Variants in MSRA observed in about 807,000 individuals in gnomAD.
MSRA encodes the protein mitochondrial peptide methionine sulfoxide reductase.
MSRA carries 54 observed loss-of-function variants against 31.3 expected under a neutral mutation model. That is an observed-to-expected ratio of 1.73 (90% confidence interval 1.39 to 2.17). The LOEUF (loss-of-function observed/expected upper bound fraction) is 2.17, where lower values mean the gene tolerates loss of function less well. MSRA is among the 30% of genes most tolerant of loss of function. The probability of loss-of-function intolerance (pLI) is 0.00; values close to 1 mark genes in which losing one functional copy is unlikely to be tolerated. For synonymous variants in MSRA, 169 were observed against 116.5 expected (o/e 1.45, Z -2.90); for missense variants, 507 against 300.9 (o/e 1.69, Z -5.07).
intron 5 of MSRA, among the ~76,000 whole-genome samples, chr8:10,375,945 T>C (rs1805733048): frequency 6.6e-6 from 1 of 152,216 alleles, no homozygotes; most frequent in Non-Finnish European, 1.5e-5. Context: ...GTGTGGACTT[T>C]CTGATGGGGG....
At chr8:10,109,043 A>G (rs1800093521) in intron 1 of MSRA, among the ~76,000 whole-genome samples, 1 of 152,212 alleles carries the variant, frequency 6.6e-6, no homozygotes, top group Admixed American at 6.5e-5. Flanking sequence ...TTTTCAGTTC[A>G]ATTAGATCAA....
intron 3 of MSRA, among the ~76,000 whole-genome samples, chr8:10,257,854 T>C (rs541254525): frequency 5.3e-5 from 8 of 152,314 alleles, no homozygotes; most frequent in Admixed American, 1.3e-4. Context: ...ACATGCTTGA[T>C]GGGACTGATG....
At chr8:10,123,963 G>C (rs17689563) in intron 1 of MSRA, among the ~76,000 whole-genome samples, 2 of 151,468 alleles carry the variant, frequency 1.3e-5, no homozygotes, top group African/African-American at 4.8e-5. Context: ...TGGAAGTCTC[G>C]ATGAGATCAG....
At chr8:10,099,296 G>C (rs1799382459) in intron 1 of MSRA, among the ~76,000 whole-genome samples, 1 of 152,310 alleles carries the variant, frequency 6.6e-6, no homozygotes, top group Admixed American at 6.5e-5. Flanking sequence ...CCATGGAATG[G>C]AGATGAGGAG....
chr8:10,137,199 C>T (rs915475404), intron 1 of MSRA, among the ~76,000 whole-genome samples: 17 of 152,050 alleles, frequency 1.1e-4, no homozygotes, highest in African/African-American at 3.4e-4. Flanking sequence ...TTTATTTTGA[C>T]GTGAGTTTTC....
rs1334989392 is a variant in MSRA at position 10,405,198 on chromosome 8, C to T, written c.544-22950C>T. Among the ~76,000 whole-genome samples, 8 of 152,288 alleles carry T rather than the reference C, an allele frequency of 5.3e-5. No individual in the cohort carries two copies. In the South Asian group the frequency reaches 1.0e-3, roughly 20 times the overall value. The stretch of plus-strand genomic sequence containing the variant: ...GTGCCAGGTCACTGAGCCCAGCCTC[C>T]CTCTGGGAGAGAGTGCCTCTCCCCT... On this transcript the variant is annotated intron_variant, in intron 5 of 5. Coordinates refer to ENST00000317173, the MANE Select transcript of MSRA (RefSeq NM_012331.5).
At chr8:10,349,734 C>T (rs1304158418) in intron 5 of MSRA, among the ~76,000 whole-genome samples, 1 of 152,242 alleles carries the variant, frequency 6.6e-6, no homozygotes, top group Non-Finnish European at 1.5e-5. Context: ...ATGTCACTAA[C>T]ACAAGCTGAG....
At chr8:10,097,982 A>C (rs1414242338) in intron 1 of MSRA, among the ~76,000 whole-genome samples, 1 of 152,140 alleles carries the variant, frequency 6.6e-6, no homozygotes, top group Non-Finnish European at 1.5e-5. Flanking sequence ...TCTCCCATAA[A>C]GATGTTCCTT....
chr8:10,222,295 C>G, intron 2 of MSRA, among the ~76,000 whole-genome samples: 1 of 152,140 alleles, frequency 6.6e-6, no homozygotes, highest in Non-Finnish European at 1.5e-5. Context: ...GTAAGGTTTT[C>G]TATCCCTCTG....
chr8:10,426,371 C>T (rs1207043182), intron 5 of MSRA, among the ~76,000 whole-genome samples: 1 of 152,180 alleles, frequency 6.6e-6, no homozygotes, highest in Non-Finnish European at 1.5e-5. Context: ...GGGAAAAGCA[C>T]CCCAAGATTT....
intron 3 of MSRA, among the ~76,000 whole-genome samples, chr8:10,279,210 A>C (rs1423705540): frequency 1.1e-4 from 16 of 152,132 alleles, no homozygotes; most frequent in Admixed American, 1.0e-3. Flanking sequence ...GGGTGGGGTG[A>C]TGATTAAAGC....
chr8:10,215,445 C>A (rs893180969), intron 2 of MSRA, among the ~76,000 whole-genome samples: 1 of 152,222 alleles, frequency 6.6e-6, no homozygotes, highest in African/African-American at 2.4e-5. Flanking sequence ...CGGACAGGTG[C>A]TCCCTGGCAG....
intron 5 of MSRA, among the ~76,000 whole-genome samples, chr8:10,366,571 G>C (rs1188844027): frequency 1.3e-5 from 2 of 152,208 alleles, no homozygotes; most frequent in Non-Finnish European, 2.9e-5. Context: ...GGTCTGGTTT[G>C]GTTTTTGGCC....
intron 5 of MSRA, among the ~76,000 whole-genome samples, chr8:10,371,783 A>G (rs1353238963): frequency 1.3e-5 from 2 of 152,080 alleles, no homozygotes; most frequent in Non-Finnish European, 2.9e-5. Flanking sequence ...TGTGCCTAAG[A>G]GGAAGGACTG....
intron 5 of MSRA, among the ~76,000 whole-genome samples, chr8:10,407,255 G>C (rs1400080498): frequency 2.0e-5 from 3 of 152,340 alleles, no homozygotes; most frequent in African/African-American, 7.2e-5. Flanking sequence ...AGGTGGATGT[G>C]AAACGCCCAC....
At chr8:10,220,590 T>A (rs1329139275) in intron 2 of MSRA, among the ~76,000 whole-genome samples, 1 of 152,198 alleles carries the variant, frequency 6.6e-6, no homozygotes, top group Non-Finnish European at 1.5e-5. Context: ...GTCCTTTGAA[T>A]CGCATTCATG....
chr8:10,291,300 C>G (rs1285304293), intron 3 of MSRA, among the ~76,000 whole-genome samples: 5 of 148,004 alleles, frequency 3.4e-5, no homozygotes, highest in Non-Finnish European at 7.4e-5. Context: ...GGCGGGCCAA[C>G]AACAACAAAA....
At chr8:10,328,082 C>T (rs1027954061) in intron 5 of MSRA, among the ~76,000 whole-genome samples, 1 of 117,798 alleles carries the variant, frequency 8.5e-6, no homozygotes, top group Non-Finnish European at 1.6e-5. Flanking sequence ...GTGTAAATGA[C>T]ACTCAAATTT....
At chr8:10,159,410 C>T (rs963831809) in intron 1 of MSRA, among the ~76,000 whole-genome samples, 4 of 152,134 alleles carry the variant, frequency 2.6e-5, no homozygotes, top group South Asian at 2.1e-4. Context: ...TATATATCAG[C>T]AGTATCTCCA....
Sources: gnomAD v4.1 joint callset for allele counts (sites outside exome capture counted in the v4.1 genomes callset) on GRCh38, gnomAD v4.1.1 for gene constraint, MANE v1.5 for transcripts, NCBI Gene and HGNC (gene_info 2026-07-23, HGNC 2026-07-21) for gene names.